Variants in ARHGEF12 observed in about 807,000 individuals in gnomAD.
ARHGEF12 encodes the protein KMT2A/ARHGEF12 fusion protein.
In ARHGEF12, 66 loss-of-function variants were observed where a neutral mutation model predicts 211.2. The observed-to-expected ratio is 0.31, with a 90% CI of 0.26 to 0.38. The LOEUF (loss-of-function observed/expected upper bound fraction) is 0.38. Among genes scored for constraint, ARHGEF12 ranks in the 10% least tolerant of loss-of-function variants. The probability of loss-of-function intolerance (pLI) is 1.00; values close to 1 mark genes in which losing one functional copy is unlikely to be tolerated. For missense variants in ARHGEF12, 1,429 were observed against 1,869.5 expected (o/e 0.76, Z 4.34); for synonymous variants, 592 against 638.4 (o/e 0.93, Z 1.09).
chr11:120,364,099 G>C (rs1458372885), intron 1 of ARHGEF12, among the ~76,000 whole-genome samples: 2 of 152,128 alleles, frequency 1.3e-5, no homozygotes, highest in Non-Finnish European at 2.9e-5. Flanking sequence ...TCGAGCCACT[G>C]TGCCTGACTC....
At chr11:120,376,531 A>G (rs1943728526) in intron 1 of ARHGEF12, among the ~76,000 whole-genome samples, 1 of 152,148 alleles carries the variant, frequency 6.6e-6, no homozygotes, top group South Asian at 2.1e-4. Flanking sequence ...TTATGGGCAT[A>G]AGTATTTATA....
chr11:120,344,434 A>G (rs1365773334), intron 1 of ARHGEF12, among the ~76,000 whole-genome samples: 2 of 152,208 alleles, frequency 1.3e-5, no homozygotes, highest in Non-Finnish European at 2.9e-5. Flanking sequence ...AGGTGCTTAG[A>G]CATACCCTTC....
At chr11:120,446,629 T>C (rs1946055843) in intron 17 of ARHGEF12, 121 bp downstream of exon 17, 1 of 770,208 alleles carries the variant, frequency 1.3e-6, no homozygotes, top group African/African-American at 1.8e-5. Flanking sequence ...CTTATTGTTA[T>C]TAAAACATAA....
At chr11:120,477,022 T>C (rs1343804429) in intron 34 of ARHGEF12, 197 bp from the exon 35 acceptor site, 4 of 612,130 alleles carry the variant, frequency 6.5e-6, no homozygotes, top group Admixed American at 6.0e-5. Context: ...AGGTATAGTT[T>C]TGGACTCTCG....
At chr11:120,378,954 A>T (rs1363922450) in intron 1 of ARHGEF12, among the ~76,000 whole-genome samples, 2 of 152,178 alleles carry the variant, frequency 1.3e-5, no homozygotes. Flanking sequence ...TTGCATTTCC[A>T]TATGAATGTT....
At chr11:120,382,451 C>G (rs748571572) in intron 1 of ARHGEF12, among the ~76,000 whole-genome samples, 6 of 152,218 alleles carry the variant, frequency 3.9e-5, no homozygotes, top group Non-Finnish European at 8.8e-5. Flanking sequence ...TTAGATAGCT[C>G]TAGTTTGGGA....
At chr11:120,476,823 CT>C in intron 34 of ARHGEF12, 75 bp downstream of exon 34, 5 of 1,238,020 alleles carry the variant, frequency 4.0e-6, no homozygotes, top group Non-Finnish European at 5.7e-6. Flanking sequence ...ATAAACTTAA[CT>C]TTGTTTTTAT....
chr11:120,354,825 C>A (rs1424182194), intron 1 of ARHGEF12, among the ~76,000 whole-genome samples: 3 of 152,160 alleles, frequency 2.0e-5, no homozygotes, highest in Non-Finnish European at 4.4e-5. Flanking sequence ...GGCTAACATG[C>A]AAAAGGCAGT....
Position 120,382,341 on chromosome 11 carries a change from G to A in ARHGEF12, c.33-23777G>A, listed in dbSNP as rs115392943. On this transcript the variant is annotated intron_variant, in intron 1 of 40. Transcript: ENST00000397843. ...TTTGAATTGTTTATGACATTTATCT[G>A]TATATTTTGAGTGGTCATAATTCAT... Among the ~76,000 whole-genome samples the A allele has an allele frequency of 1.9e-3, 285 of 152,218 alleles. 1 individual carries two copies. Among genetic ancestry groups the A allele is most frequent in the African/African-American group, 6.3e-3 (262 of 41,534 alleles).
At chr11:120,431,015 C>T (rs554700009) in intron 10 of ARHGEF12, among the ~76,000 whole-genome samples, 2 of 152,066 alleles carry the variant, frequency 1.3e-5, no homozygotes, top group Admixed American at 6.6e-5. Flanking sequence ...CCTGGCCAGG[C>T]GCAGTGGCTC....
chr11:120,456,163 G>A (rs1946355276), intron 22 of ARHGEF12, among the ~76,000 whole-genome samples: 1 of 152,170 alleles, frequency 6.6e-6, no homozygotes, highest in Non-Finnish European at 1.5e-5. Context: ...GGCAAGCATG[G>A]AGTAGTTCAT....
chr11:120,453,360 A>G (rs1385667806), intron 22 of ARHGEF12, among the ~76,000 whole-genome samples: 2 of 152,192 alleles, frequency 1.3e-5, no homozygotes, highest in Admixed American at 1.3e-4. Context: ...AAGAAAGTAG[A>G]GGAAGGGAAT....
chr11:120,352,174 C>G (rs1942998990), intron 1 of ARHGEF12, among the ~76,000 whole-genome samples: 1 of 151,932 alleles, frequency 6.6e-6, no homozygotes, highest in African/African-American at 2.4e-5. Context: ...AGATTTCTGA[C>G]ATGAGGGATT....
At chr11:120,420,617 A>C (rs976100079) in intron 4 of ARHGEF12, 136 bp from the exon 5 acceptor site, 2 of 666,080 alleles carry the variant, frequency 3.0e-6, no homozygotes, top group African/African-American at 3.6e-5. Flanking sequence ...TAGTGTTCTT[A>C]TTTTACCATG....
chr11:120,360,636 G>A (rs907720238), intron 1 of ARHGEF12, among the ~76,000 whole-genome samples: 8 of 152,118 alleles, frequency 5.3e-5, no homozygotes, highest in Non-Finnish European at 2.9e-5. Context: ...CAAGCGATCC[G>A]CCTACCTCGG....
chr11:120,420,984 C>CT (rs1945168127), intron 5 of ARHGEF12, 133 bp downstream of exon 5: 1 of 726,706 alleles, frequency 1.4e-6, no homozygotes, highest in Non-Finnish European at 2.2e-6. Flanking sequence ...CTAGATTCGT[C>CT]TATCATGTCA....
intron 1 of ARHGEF12, among the ~76,000 whole-genome samples, chr11:120,376,749 C>G (rs879485703): frequency 1.3e-5 from 2 of 152,056 alleles, no homozygotes; most frequent in African/African-American, 4.8e-5. Flanking sequence ...CTTATTCTAT[C>G]GAACTATATT....
At chr11:120,441,642 G>A in intron 13 of ARHGEF12, 65 bp from the exon 14 acceptor site, 1 of 1,307,914 alleles carries the variant, frequency 7.6e-7, no homozygotes, top group Non-Finnish European at 1.1e-6. Flanking sequence ...ATGTTCAATT[G>A]AGCCTACTTT....
rs199784670 is a variant in ARHGEF12 at position 120,448,192 on chromosome 11, C to T, written c.1623-42C>T. On this transcript the variant is annotated intron_variant, in intron 19 of 40. Transcript: ENST00000397843. Reference sequence around the variant, plus strand: ...TGATGTCTTTATTCTACCAACCCTCCCTTCTCAGAAGTCTTAATTTACTTC... The same window carrying T: ...TGATGTCTTTATTCTACCAACCCTCTCTTCTCAGAAGTCTTAATTTACTTC... The T allele has an allele frequency of 3.6e-5, 51 of 1,403,522 alleles. No individual in the cohort carries two copies. In the Admixed American group the frequency reaches 8.6e-4, roughly 24 times the overall value. 86.9% of individuals were successfully genotyped at this position (1,403,522 alleles called of 1,614,324 possible).
Sources: allele counts gnomAD v4.1 joint callset (sites outside exome capture counted in the v4.1 genomes callset), GRCh38; gene constraint gnomAD v4.1.1; transcripts MANE v1.5; gene names NCBI Gene and HGNC (gene_info 2026-07-23, HGNC 2026-07-21).